The following PRR7 variants were observed in gnomAD, a reference collection of about 807,000 sequenced individuals.
PRR7 encodes proline-rich protein 7.
Under a neutral mutation model 18.5 loss-of-function variants are expected in PRR7, and 8 were observed. The observed-to-expected ratio is 0.43, with a 90% CI of 0.25 to 0.78. The LOEUF (loss-of-function observed/expected upper bound fraction) is 0.78. PRR7 is among the 30% of genes least tolerant of loss of function. PRR7 has a pLI of 0.22. For missense variants in PRR7, 396 were observed against 403.1 expected (o/e 0.98, Z 0.15); for synonymous variants, 221 against 187.7 (o/e 1.18, Z -1.45).
rs1404148256 is a variant in PRR7, at chr5:177,455,032, T to C, written c.-36T>C. On this transcript the variant is annotated 5_prime_UTR_variant, in exon 3 of 4. The change abolishes the stop of an existing upstream ORF in the 5' untranslated region. Coordinates refer to ENST00000323249, the MANE Select transcript of PRR7 (RefSeq NM_030567.5). The surrounding 1 kb of genome is among the most constrained non-coding windows in gnomAD (Gnocchi z 6.9). ...CCACGCAGCGGAGCCCAGTGTCCAGTGAAGCGTCTGAGGACCCGCCGCCCG... is the reference window on the plus strand; with the variant it reads ...CCACGCAGCGGAGCCCAGTGTCCAGCGAAGCGTCTGAGGACCCGCCGCCCG... 1.4e-6 allele frequency: 2 copies of C among 1,436,620 alleles called. No individual in the cohort carries two copies. The highest frequency in any genetic ancestry group is 3.0e-5 in the African/African-American group (2 of 67,134). 89.0% of individuals were successfully genotyped at this position (1,436,620 alleles called of 1,614,324 possible). A position where few individuals can be genotyped will look rare whatever the true frequency, so the allele number is the denominator to read the frequency against.
Position 177,455,200 on chromosome 5 carries a change from C to T in PRR7, c.133C>T (p.Arg45Ter). 6.4e-7 allele frequency: 1 copy of T among 1,571,176 alleles called. No individual in the cohort carries two copies. Reference protein sequence around the residue: ...RRRLKRRQEERLREQNLRALE... With the variant: ...RRRLKRRQEE The stretch of plus-strand genomic sequence containing the variant: ...CCGCCTCAAACGGCGCCAGGAGGAG[C>T]GACTGCGCGAGCAGAACCTGCGCGC... The change falls in exon 3 of 4, where the codon CGA becomes TGA. Residue 45 changes from arginine (R) to a stop codon, truncating the protein, a stop_gained. Transcript: ENST00000323249. LOFTEE classifies it high-confidence loss of function. The surrounding 1 kb of genome is among the most constrained non-coding windows in gnomAD (Gnocchi z 6.9).
chr5:177,449,350 C>T lies in PRR7; in HGVS notation c.-325+2390C>T, dbSNP rs893446493. On this transcript the variant is annotated intron_variant, in intron 1 of 3. Coordinates refer to ENST00000323249, the MANE Select transcript of PRR7 (RefSeq NM_030567.5). This position sits in a 1 kb window ranked among gnomAD's most constrained non-coding sequence, Gnocchi z 4.2. Reference sequence around the variant, plus strand: ...TTGAGGCTGCAGGGTGATCCCTCATCAGAGGGAGTTCTGTTGTCCCCTCGG... The same window carrying T: ...TTGAGGCTGCAGGGTGATCCCTCATTAGAGGGAGTTCTGTTGTCCCCTCGG... Among the ~76,000 whole-genome samples the T allele has an allele frequency of 7.9e-5, 12 of 152,170 alleles. No individual in the cohort carries two copies. The highest frequency in any genetic ancestry group is 2.7e-4 in the African/African-American group (11 of 41,424).
chr5:177,454,045 G>C lies in PRR7; in HGVS notation c.-240+5G>C, dbSNP rs1756276607. The C allele has an allele frequency of 6.6e-6, 1 of 152,330 alleles. No homozygotes were observed. The highest frequency in any genetic ancestry group is 1.9e-4 in the East Asian group (1 of 5,196). The allele number at this position is 152,330 out of a possible 1,614,324, so 9.4% of individuals were successfully genotyped here. A position where few individuals can be genotyped will look rare whatever the true frequency, so the allele number is the denominator to read the frequency against. ...CTGGAGTGAGTGCAGGACCAGGTGG[G>C]TACGAAAGACTAGCTTCCAACCCTC... On this transcript the variant is annotated splice_donor_5th_base_variant and intron_variant, in intron 2 of 3. Transcript: ENST00000323249. The surrounding 1 kb of genome is among the most constrained non-coding windows in gnomAD (Gnocchi z 4.7).
chr5:177,455,650 G>A lies in PRR7; in HGVS notation c.428-74G>A, dbSNP rs1756389643. Reference sequence around the variant, plus strand: ...TCGGGCTAGGGCTGGGGCGCGGGCGGCCCCTGGCCGGGGCCTCTGCGAGAG... The same window carrying A: ...TCGGGCTAGGGCTGGGGCGCGGGCGACCCCTGGCCGGGGCCTCTGCGAGAG... On this transcript the variant is annotated intron_variant, in intron 3 of 3. Coordinates refer to ENST00000323249, the MANE Select transcript of PRR7 (RefSeq NM_030567.5). The surrounding 1 kb of genome is among the most constrained non-coding windows in gnomAD (Gnocchi z 6.9). 2.1e-6 allele frequency: 3 copies of A among 1,431,804 alleles called. No individual in the cohort carries two copies. The highest frequency in any genetic ancestry group is 2.8e-6 in the Non-Finnish European group (3 of 1,089,306). The allele number at this position is 1,431,804 out of a possible 1,614,324, so 88.7% of individuals were successfully genotyped here.
At chr5:177,448,339 T>TCGGTGAGAC (rs1755996768) in intron 1 of PRR7, 2 of 152,276 alleles carry the variant, frequency 1.3e-5, no homozygotes. Context: ...CCCTTCCTGC[T>TCGGTGAGAC]CTGTGAGACC....
At position 177,456,097 on chromosome 5, in the gene PRR7, G is replaced by T; in HGVS notation, c.801G>T (p.Leu267Phe). The T allele has an allele frequency of 1.3e-6, 2 of 1,550,472 alleles. No individual in the cohort carries two copies. The highest frequency in any genetic ancestry group is 1.9e-5 in the Admixed American group (1 of 53,044). ...GAWRLPVSIPLFGRTTAV is the reference protein window; with the variant it reads ...GAWRLPVSIPFFGRTTAV ...GGCGTCTGCCGGTCTCCATCCCCTT[G>T]TTCGGGAGGACTACAGCCGTATAGA... Residue 267 changes from leucine to phenylalanine, a missense_variant, in exon 4 of 4, where the codon TTG becomes TTT. Coordinates refer to ENST00000323249, the MANE Select transcript of PRR7 (RefSeq NM_030567.5).
intron 1 of PRR7, among the ~76,000 whole-genome samples, chr5:177,453,575 A>T (rs1289515579): frequency 6.6e-6 from 1 of 152,136 alleles, no homozygotes; most frequent in Non-Finnish European, 1.5e-5. Flanking sequence ...GCTTCCCCCC[A>T]GCCTGGGGCT....
In PRR7 at chr5:177,455,513, CA is replaced by C. The variant is rs777148369; in HGVS notation, c.427+20del. 1.1e-5 allele frequency: 16 copies of C among 1,464,038 alleles called. No individual in the cohort carries two copies. In the African/African-American group the frequency reaches 2.1e-4, roughly 19 times the overall value. The allele number at this position is 1,464,038 out of a possible 1,614,324, so 90.7% of individuals were successfully genotyped here. ...CGCCAAGGTGAGTACCGACCTCCGCCAGGGGGCGATCCGGGCCGCCGGAAGT... is the reference window on the plus strand; with the variant it reads ...CGCCAAGGTGAGTACCGACCTCCGCCGGGGGCGATCCGGGCCGCCGGAAGT... On this transcript the variant is annotated intron_variant, in intron 3 of 3. Transcript: ENST00000323249. This position sits in a 1 kb window ranked among gnomAD's most constrained non-coding sequence, Gnocchi z 6.9.
At chr5:177,446,190 C>T (rs1217877491), upstream of PRR7, 1 of 152,112 alleles carries the variant, frequency 6.6e-6, no homozygotes, top group Non-Finnish European at 1.5e-5. The surrounding 1 kb of genome is among the most constrained non-coding windows in gnomAD (Gnocchi z 5.3). Context: ...GCTTGGACCT[C>T]GGGGTAGACA....
chr5:177,455,567 A>C lies in PRR7; in HGVS notation c.427+73A>C, dbSNP rs1756381125. On this transcript the variant is annotated intron_variant, in intron 3 of 3. Transcript: ENST00000323249. This position sits in a 1 kb window ranked among gnomAD's most constrained non-coding sequence, Gnocchi z 6.9. The stretch of plus-strand genomic sequence containing the variant: ...GCGGGCGTTGGAGGGCTCGCTGCTT[A>C]CCCTCAGGGCTTCCATCCGCAGCCT... 1.4e-6 allele frequency: 2 copies of C among 1,416,574 alleles called. No homozygotes were observed. The highest frequency in any genetic ancestry group is 3.0e-5 in the South Asian group (2 of 66,464). The allele number at this position is 1,416,574 out of a possible 1,614,324, so 87.8% of individuals were successfully genotyped here.
chr5:177,447,120 C>G (rs1299637200), intron 1 of PRR7, among the ~76,000 whole-genome samples, 160 bp downstream of exon 1: 2 of 152,064 alleles, frequency 1.3e-5, no homozygotes, highest in Admixed American at 6.5e-5. Flanking sequence ...CAGTCCACAC[C>G]GGAGGGAGGG....
In PRR7 at chr5:177,455,989, G is replaced by A. The variant is rs1034972674; in HGVS notation, c.693G>A (p.Leu231=). 7 of 1,586,794 alleles carry A rather than the reference G, an allele frequency of 4.4e-6. No homozygotes were observed. Among genetic ancestry groups the A allele is most frequent in the African/African-American group, 2.7e-5 (2 of 74,492 alleles). The change falls in exon 4 of 4, where the codon CTG becomes CTA. Residue 231 remains leucine (L), a synonymous_variant. Coordinates refer to ENST00000323249, the MANE Select transcript of PRR7 (RefSeq NM_030567.5). The surrounding 1 kb of genome is among the most constrained non-coding windows in gnomAD (Gnocchi z 6.9). ...RPAPPCPALC[L]QADRGRRVFP... is the part of the protein sequence containing the mutation. The stretch of plus-strand genomic sequence containing the variant: ...CGCCGCCCTGCCCAGCCCTCTGCCT[G>A]CAGGCCGACCGTGGCCGCCGGGTCT...
Position 177,455,506 on chromosome 5 carries a change from C to T in PRR7, c.427+12C>T, listed in dbSNP as rs999659296. The stretch of plus-strand genomic sequence containing the variant: ...CTACCCGCGCCAAGGTGAGTACCGA[C>T]CTCCGCCAGGGGGCGATCCGGGCCG... On this transcript the variant is annotated intron_variant, in intron 3 of 3. Transcript: ENST00000323249. This position sits in a 1 kb window ranked among gnomAD's most constrained non-coding sequence, Gnocchi z 6.9. 6.8e-7 allele frequency: 1 copy of T among 1,474,858 alleles called. No individual in the cohort carries two copies. The highest frequency in any genetic ancestry group is 8.9e-7 in the Non-Finnish European group (1 of 1,124,690). The allele number at this position is 1,474,858 out of a possible 1,614,324, so 91.4% of individuals were successfully genotyped here. A position where few individuals can be genotyped will look rare whatever the true frequency, so the allele number is the denominator to read the frequency against.
intron 1 of PRR7, among the ~76,000 whole-genome samples, chr5:177,447,914 G>A (rs1488755707): frequency 6.6e-6 from 1 of 152,236 alleles, no homozygotes; most frequent in East Asian, 1.9e-4. Context: ...GTACTGAGTA[G>A]CATGCAGGTT....
rs1332234013 is a variant in PRR7 at position 177,455,808 on chromosome 5, C to A, written c.512C>A (p.Thr171Lys). 2 of 1,611,834 alleles carry A rather than the reference C, an allele frequency of 1.2e-6. No homozygotes were observed. Among genetic ancestry groups the A allele is most frequent in the Non-Finnish European group, 1.7e-6 (2 of 1,179,648 alleles). ...EPPPPYSEVL[T>K]DTRGLYRKIV... is the part of the protein sequence containing the mutation. ...CCGCCGCCCTATAGCGAGGTGCTCA[C>A]GGACACGCGCGGCCTCTACCGCAAG... Residue 171 changes from threonine to lysine, a missense_variant, in exon 4 of 4, where the codon ACG becomes AAG. Physicochemically the swap from Thr to Lys is moderately conservative, Grantham distance 78. Transcript: ENST00000323249. The surrounding 1 kb of genome is among the most constrained non-coding windows in gnomAD (Gnocchi z 6.9).
chr5:177,454,643 G>C lies in PRR7; in HGVS notation c.-239-186G>C, dbSNP rs1189974152. On this transcript the variant is annotated intron_variant, in intron 2 of 3. Transcript: ENST00000323249. This position sits in a 1 kb window ranked among gnomAD's most constrained non-coding sequence, Gnocchi z 4.7. ...CGCGGCGGCGGCCGGGGCTCAGATC[G>C]GGGAAACCCTACCGGGGAAACCTCG... Among the ~76,000 whole-genome samples the C allele has an allele frequency of 6.6e-6, 1 of 151,916 alleles. No individual in the cohort carries two copies. The highest frequency in any genetic ancestry group is 1.5e-5 in the Non-Finnish European group (1 of 67,912).
Position 177,455,927 on chromosome 5 carries a change from A to C in PRR7, c.631A>C (p.Thr211Pro). The change falls in exon 4 of 4, where the codon ACC (threonine) becomes CCC (proline). Residue 211 changes from threonine (T) to proline (P), a missense_variant. Thr to Pro is a conservative substitution (Grantham distance 38). Around this residue, in one of 2 missense-constraint regions of PRR7, gnomAD observed 383 missense variants for 372.6 expected, o/e 1.03. Coordinates refer to ENST00000323249, the MANE Select transcript of PRR7 (RefSeq NM_030567.5). The surrounding 1 kb of genome is among the most constrained non-coding windows in gnomAD (Gnocchi z 6.9). ...YKPLFLDRGYTSALHLPSAPR... is the reference protein window; with the variant it reads ...YKPLFLDRGYPSALHLPSAPR... ...GCCGCTCTTCCTGGACCGGGGCTAC[A>C]CCTCGGCGCTGCACCTGCCCAGCGC... 1 of 1,605,132 alleles carries C rather than the reference A, an allele frequency of 6.2e-7. No homozygotes were observed. Among genetic ancestry groups the C allele is most frequent in the Non-Finnish European group, 8.5e-7 (1 of 1,178,194 alleles).
chr5:177,456,263 G>A lies in PRR7; in HGVS notation c.*142G>A. The stretch of plus-strand genomic sequence containing the variant: ...TTTGTTACATTTTGAGGATAATAAA[G>A]GTGTGTGATCTGGTTTGGTACAAGC... On this transcript the variant is annotated 3_prime_UTR_variant, in exon 4 of 4. Coordinates refer to ENST00000323249, the MANE Select transcript of PRR7 (RefSeq NM_030567.5). The A allele has an allele frequency of 2.6e-6, 3 of 1,136,142 alleles. No homozygotes were observed. The highest frequency in any genetic ancestry group is 2.9e-5 in the East Asian group (1 of 34,258). The allele number at this position is 1,136,142 out of a possible 1,614,324, so 70.4% of individuals were successfully genotyped here. A position where few individuals can be genotyped will look rare whatever the true frequency, so the allele number is the denominator to read the frequency against.
rs770169312 is a variant in PRR7, at chr5:177,456,091, C to T, written c.795C>T (p.Ile265=). 1 of 1,557,774 alleles carries T rather than the reference C, an allele frequency of 6.4e-7. No individual in the cohort carries two copies. Among genetic ancestry groups the T allele is most frequent in the South Asian group, 1.2e-5 (1 of 85,054 alleles). Reference sequence around the variant, plus strand: ...GAGCTTGGCGTCTGCCGGTCTCCATCCCCTTGTTCGGGAGGACTACAGCCG... The same window carrying T: ...GAGCTTGGCGTCTGCCGGTCTCCATTCCCTTGTTCGGGAGGACTACAGCCG... ...EHGAWRLPVS[I]PLFGRTTAV is the part of the protein sequence containing the mutation. The change falls in exon 4 of 4, where the codon ATC becomes ATT. Residue 265 remains isoleucine (I), a synonymous_variant. Coordinates refer to ENST00000323249, the MANE Select transcript of PRR7 (RefSeq NM_030567.5).
Sources: gnomAD v4.1 joint callset for allele counts (sites outside exome capture counted in the v4.1 genomes callset) on GRCh38, gnomAD v4.1.1 for gene constraint, gnomAD v4.1.1 regional missense constraint, Gnocchi (gnomAD v3.1) non-coding constraint, MANE v1.5 for transcripts, NCBI Gene and HGNC (gene_info 2026-07-23, HGNC 2026-07-21) for gene names.